The following SPSB1 variants were observed in gnomAD, a reference collection of about 807,000 sequenced individuals.
SPSB1 encodes SPRY domain-containing SOCS box protein 1.
A neutral mutation model predicts 21.2 loss-of-function variants in SPSB1; 8 were observed. That is an observed-to-expected ratio of 0.38 (90% CI 0.22 to 0.68). SPSB1 has a LOEUF of 0.68. SPSB1 is among the 30% of genes least tolerant of loss of function. SPSB1 has a pLI of 0.53. For synonymous variants in SPSB1, 169 were observed against 161.7 expected (o/e 1.05, Z -0.34); for missense variants, 242 against 377.8 (o/e 0.64, Z 2.98).
At chr1:9,320,726 G>A (rs972346270) in intron 1 of SPSB1, among the ~76,000 whole-genome samples, 7 of 152,174 alleles carry the variant, frequency 4.6e-5, no homozygotes, top group African/African-American at 1.7e-4. Flanking sequence ...CGCCTCTCTC[G>A]GCTCTGGCTG....
At chr1:9,333,717 G>A (rs1042722943) in intron 1 of SPSB1, among the ~76,000 whole-genome samples, 3 of 152,196 alleles carry the variant, frequency 2.0e-5, no homozygotes, top group African/African-American at 7.2e-5. Context: ...GCGGCCCGGG[G>A]AAGAGCACAG....
intron 1 of SPSB1, among the ~76,000 whole-genome samples, chr1:9,350,279 A>G (rs1343418499): frequency 6.6e-6 from 1 of 152,242 alleles, no homozygotes; most frequent in East Asian, 1.9e-4. Flanking sequence ...GGCTGCGGAC[A>G]GGAGAACTGT....
intron 1 of SPSB1, among the ~76,000 whole-genome samples, chr1:9,312,244 G>A (rs537652460): frequency 9.2e-5 from 14 of 151,870 alleles, no homozygotes; most frequent in Non-Finnish European, 1.2e-4. Flanking sequence ...GGTTGGTCTC[G>A]AACCCGTCCT....
At chr1:9,311,307 C>T (rs1639516388) in intron 1 of SPSB1, among the ~76,000 whole-genome samples, 1 of 152,070 alleles carries the variant, frequency 6.6e-6, no homozygotes, top group Non-Finnish European at 1.5e-5. Context: ...GAGTCCTGAC[C>T]CATGACTGGG....
chr1:9,317,000 A>G (rs914935498), intron 1 of SPSB1, among the ~76,000 whole-genome samples: 1 of 152,192 alleles, frequency 6.6e-6, no homozygotes, highest in Non-Finnish European at 1.5e-5. Flanking sequence ...CCTTGGATGC[A>G]CCTTCCTGCT....
intron 1 of SPSB1, among the ~76,000 whole-genome samples, chr1:9,351,946 A>G (rs1640265197): frequency 6.6e-6 from 1 of 152,170 alleles, no homozygotes; most frequent in Non-Finnish European, 1.5e-5. Flanking sequence ...ACAGTGCTGC[A>G]GGCCCCTTTA....
chr1:9,339,398 TC>T, intron 1 of SPSB1: 1 of 753,890 alleles, frequency 1.3e-6, no homozygotes, highest in Non-Finnish European at 1.6e-6. Flanking sequence ...GGACCCAGGG[TC>T]CTCAGGTAAT....
chr1:9,323,442 A>G (rs944068913), intron 1 of SPSB1, among the ~76,000 whole-genome samples: 4 of 152,154 alleles, frequency 2.6e-5, no homozygotes, highest in Non-Finnish European at 5.9e-5. Context: ...AGGGGATGTC[A>G]GAGGGTGCTC....
chr1:9,361,156 C>CTTTTTTT lies in SPSB1; in HGVS notation c.694+4592_694+4598dup, dbSNP rs57871457. Among the ~76,000 whole-genome samples the CTTTTTTT allele has an allele frequency of 2.6e-4, 27 of 102,574 alleles. 1 individual carries two copies. Among genetic ancestry groups the CTTTTTTT allele is most frequent in the African/African-American group, 1.0e-3 (25 of 24,222 alleles). The allele number at this position is 102,574 out of a possible 152,430, so 67.3% of individuals were successfully genotyped here. A position where few individuals can be genotyped will look rare whatever the true frequency, so the allele number is the denominator to read the frequency against. On this transcript the variant is annotated intron_variant, in intron 2 of 2. Transcript: ENST00000328089. ...CAGGCATGGCTGGATCTGTCATTTT[C>CTTTTTTT]TTTTTTTTTTTTTTTTTTTTTTTTT...
intron 1 of SPSB1, among the ~76,000 whole-genome samples, chr1:9,341,150 C>G (rs1391667254): frequency 6.6e-6 from 1 of 152,204 alleles, no homozygotes; most frequent in Non-Finnish European, 1.5e-5. Context: ...TAGGCACACC[C>G]CAGATCCAAG....
chr1:9,341,632 G>T, intron 1 of SPSB1, among the ~76,000 whole-genome samples: 1 of 152,206 alleles, frequency 6.6e-6, no homozygotes. Flanking sequence ...TTCCTCTTGG[G>T]AGAGATGTTT....
At chr1:9,327,599 G>C (rs1446836569) in intron 1 of SPSB1, among the ~76,000 whole-genome samples, 1 of 152,130 alleles carries the variant, frequency 6.6e-6, no homozygotes, top group Non-Finnish European at 1.5e-5. Context: ...CCACTCCAGT[G>C]CACCAGGATG....
Position 9,294,278 on chromosome 1 carries a change from C to G in SPSB1, c.-150+1207C>G, listed in dbSNP as rs28431239. ...TGTCCACACGTGTCTCTGTGTCTGT[C>G]TCTGTGTCTGTGTCTCTGAGTGCGT... On this transcript the variant is annotated intron_variant, in intron 1 of 2. Transcript: ENST00000328089. Among the ~76,000 whole-genome samples, 17 of 151,426 alleles carry G rather than the reference C, an allele frequency of 1.1e-4. 1 individual carries two copies. The East Asian group carries it at 2.1e-3, about 19-fold the overall frequency.
At chr1:9,316,607 G>C (rs1639619305) in intron 1 of SPSB1, among the ~76,000 whole-genome samples, 1 of 152,152 alleles carries the variant, frequency 6.6e-6, no homozygotes, top group Non-Finnish European at 1.5e-5. Context: ...CGAAAGGCTG[G>C]GAGCGTTTTG....
chr1:9,327,368 G>T (rs1220483472), intron 1 of SPSB1, among the ~76,000 whole-genome samples: 1 of 152,198 alleles, frequency 6.6e-6, no homozygotes, highest in East Asian at 1.9e-4. Context: ...ATGCTTAAAA[G>T]TCGATCGCCA....
intron 2 of SPSB1, among the ~76,000 whole-genome samples, chr1:9,361,713 C>T (rs1165836653): frequency 6.6e-6 from 1 of 152,252 alleles, no homozygotes; most frequent in East Asian, 1.9e-4. Context: ...AGGCCTTGTG[C>T]TGAGGATGCA....
chr1:9,317,880 G>A lies in SPSB1; in HGVS notation c.-150+24809G>A, dbSNP rs617901. ...TTGAGACCCTGCAGATTGGCGGGTC[G>A]CTTTGGTGGGAGTTTCTTGCTTCCT... On this transcript the variant is annotated intron_variant, in intron 1 of 2. Transcript: ENST00000328089. The surrounding 1 kb of genome is among the most constrained non-coding windows in gnomAD (Gnocchi z 4.3). Among the ~76,000 whole-genome samples the A allele has an allele frequency of 0.011, 1,654 of 147,848 alleles. 26 individuals are homozygous for A. The highest frequency in any genetic ancestry group is 0.032 in the African/African-American group (1,275 of 39,984).
intron 1 of SPSB1, among the ~76,000 whole-genome samples, chr1:9,325,228 C>G (rs58976108): frequency 8.3e-5 from 2 of 24,228 alleles, no homozygotes; most frequent in Non-Finnish European, 2.7e-4. Flanking sequence ...CACCACCACC[C>G]CCCCCCCCCG....
intron 1 of SPSB1, among the ~76,000 whole-genome samples, chr1:9,310,624 G>T (rs936908310): frequency 6.6e-6 from 1 of 152,100 alleles, no homozygotes; most frequent in Non-Finnish European, 1.5e-5. Context: ...GAGTTTGGGA[G>T]GTCGAGGCTG....
Sources: gnomAD v4.1 joint callset for allele counts (sites outside exome capture counted in the v4.1 genomes callset) on GRCh38, gnomAD v4.1.1 for gene constraint, Gnocchi (gnomAD v3.1) non-coding constraint, MANE v1.5 for transcripts, NCBI Gene and HGNC (gene_info 2026-07-23, HGNC 2026-07-21) for gene names.